Variants in LRRC8D observed in about 807,000 individuals in gnomAD.
LRRC8D encodes leucine rich repeat containing 8 VRAC subunit D.
LRRC8D carries 20 observed loss-of-function variants against 55.8 expected under a neutral mutation model. The ratio of observed to expected loss-of-function variants is 0.36; its 90% confidence interval spans 0.25 to 0.52. The LOEUF (loss-of-function observed/expected upper bound fraction) is 0.52. Among genes scored for constraint, LRRC8D ranks in the 20% least tolerant of loss-of-function variants. LRRC8D has a pLI of 0.93. For missense variants in LRRC8D, 651 were observed against 1,030.8 expected (o/e 0.63, Z 5.05); for synonymous variants, 352 against 377.0 (o/e 0.93, Z 0.77).
intron 2 of LRRC8D, among the ~76,000 whole-genome samples, chr1:89,866,390 A>G (rs1476628013): frequency 6.6e-6 from 1 of 152,234 alleles, no homozygotes; most frequent in East Asian, 1.9e-4. Context: ...GTGTGCATTT[A>G]TATCAGTTTC....
intron 2 of LRRC8D, among the ~76,000 whole-genome samples, chr1:89,912,311 A>G (rs1169549082): frequency 6.6e-6 from 1 of 152,072 alleles, no homozygotes; most frequent in Non-Finnish European, 1.5e-5. Flanking sequence ...GGGGTTCCTT[A>G]CTGTCCCTTT....
chr1:89,923,109 C>T (rs908891496), intron 2 of LRRC8D, among the ~76,000 whole-genome samples: 10 of 152,098 alleles, frequency 6.6e-5, no homozygotes, highest in African/African-American at 2.4e-4. Flanking sequence ...AATAACTTTC[C>T]CTTTTCAGTT....
At chr1:89,885,230 C>T in intron 2 of LRRC8D, among the ~76,000 whole-genome samples, 1 of 152,294 alleles carries the variant, frequency 6.6e-6, no homozygotes, top group East Asian at 1.9e-4. Flanking sequence ...TTGGCTTCAT[C>T]CAGGGATCTT....
chr1:89,893,383 T>C (rs893926723), intron 2 of LRRC8D, among the ~76,000 whole-genome samples: 2 of 152,212 alleles, frequency 1.3e-5, no homozygotes, highest in Admixed American at 6.5e-5. Context: ...ATATTCGTTA[T>C]CACTTTTTTC....
chr1:89,859,136 CTTA>C (rs1189732765), intron 2 of LRRC8D, among the ~76,000 whole-genome samples: 1 of 151,984 alleles, frequency 6.6e-6, no homozygotes, highest in Admixed American at 6.6e-5. Context: ...TTCTGGGATG[CTTA>C]TTAAGATAAG....
chr1:89,826,892 C>T (rs1353953884), intron 1 of LRRC8D, among the ~76,000 whole-genome samples: 4 of 152,140 alleles, frequency 2.6e-5, no homozygotes, highest in East Asian at 1.9e-4. Flanking sequence ...AGGTGAGTTT[C>T]TTGTGGGCAA....
Position 89,934,990 on chromosome 1 carries a change from A to C in LRRC8D, c.1922A>C (p.Glu641Ala). 6.2e-7 allele frequency: 1 copy of C among 1,614,166 alleles called. No individual in the cohort carries two copies. The highest frequency in any genetic ancestry group is 8.5e-7 in the Non-Finnish European group (1 of 1,180,038). Residue 641 changes from glutamate to alanine, a missense_variant, in exon 3 of 3, where the codon GAA (glutamate) becomes GCA (alanine). This residue lies in a region of LRRC8D where 338 missense variants were observed against 479.4 expected (regional missense o/e 0.71). Coordinates refer to ENST00000337338, the MANE Select transcript of LRRC8D (RefSeq NM_001134479.2). This position sits in a 1 kb window ranked among gnomAD's most constrained non-coding sequence, Gnocchi z 5.9. ...LKKMMNVAELELQNCELERIP... is the reference protein window; with the variant it reads ...LKKMMNVAELALQNCELERIP... ...AAAATGATGAATGTCGCTGAGCTGGAACTCCAGAACTGTGAGCTAGAGAGA... is the reference window on the plus strand; with the variant it reads ...AAAATGATGAATGTCGCTGAGCTGGCACTCCAGAACTGTGAGCTAGAGAGA...
intron 2 of LRRC8D, among the ~76,000 whole-genome samples, chr1:89,877,697 T>G (rs1662181234): frequency 6.6e-6 from 1 of 152,218 alleles, no homozygotes; most frequent in African/African-American, 2.4e-5. Context: ...TTTGTTACAG[T>G]TAACACGGTT....
intron 1 of LRRC8D, among the ~76,000 whole-genome samples, chr1:89,822,593 AAG>A (rs1660666918): frequency 6.6e-6 from 1 of 152,136 alleles, no homozygotes; most frequent in Non-Finnish European, 1.5e-5. Flanking sequence ...CGGACTTTGG[AAG>A]AGTCTGGACA....
intron 2 of LRRC8D, among the ~76,000 whole-genome samples, chr1:89,902,089 CA>C (rs1171239395): frequency 1.3e-5 from 2 of 152,206 alleles, no homozygotes; most frequent in Non-Finnish European, 2.9e-5. Flanking sequence ...GAGAGAGGCA[CA>C]AGGTGTGAGA....
chr1:89,843,480 C>G, intron 1 of LRRC8D, 158 bp from the exon 2 acceptor site: 1 of 450,128 alleles, frequency 2.2e-6, no homozygotes, highest in Non-Finnish European at 4.0e-6. Context: ...GCCGGTGCGG[C>G]GGGGTCGCCA....
At chr1:89,905,819 A>C (rs913021974) in intron 2 of LRRC8D, among the ~76,000 whole-genome samples, 1 of 152,178 alleles carries the variant, frequency 6.6e-6, no homozygotes, top group Admixed American at 6.5e-5. Flanking sequence ...GACGAAGAGG[A>C]GGAATTAGTG....
At chr1:89,836,901 T>A (rs1374838696) in intron 1 of LRRC8D, among the ~76,000 whole-genome samples, 2 of 152,374 alleles carry the variant, frequency 1.3e-5, no homozygotes, top group Non-Finnish European at 2.9e-5. Flanking sequence ...GCGTGAGTAA[T>A]TTCCAAGTTA....
chr1:89,822,033 C>T (rs1013765001), intron 1 of LRRC8D: 1 of 152,428 alleles, frequency 6.6e-6, no homozygotes, highest in South Asian at 2.1e-4. Flanking sequence ...GCCGGGAGGA[C>T]CAGCACCTCC....
chr1:89,905,930 T>C (rs1202769779), intron 2 of LRRC8D, among the ~76,000 whole-genome samples: 1 of 152,192 alleles, frequency 6.6e-6, no homozygotes, highest in African/African-American at 2.4e-5. Flanking sequence ...ACACCTGCAG[T>C]AGGGTCTTCA....
chr1:89,890,292 A>C (rs1054465896), intron 2 of LRRC8D, among the ~76,000 whole-genome samples: 3 of 152,230 alleles, frequency 2.0e-5, no homozygotes, highest in African/African-American at 7.2e-5. Context: ...TCCGTGTTAC[A>C]AAAGTGTTGA....
intron 2 of LRRC8D, among the ~76,000 whole-genome samples, chr1:89,899,123 G>C (rs906766037): frequency 1.1e-4 from 17 of 152,174 alleles, no homozygotes; most frequent in African/African-American, 4.1e-4. Context: ...CAACAATTCA[G>C]GTGTAGATTC....
At chr1:89,852,550 C>G (rs1254950883) in intron 2 of LRRC8D, among the ~76,000 whole-genome samples, 2 of 152,196 alleles carry the variant, frequency 1.3e-5, no homozygotes, top group African/African-American at 4.8e-5. Context: ...GGTGCCTAAC[C>G]TCTGAAGATA....
At chr1:89,923,757 A>G (rs1663482426) in intron 2 of LRRC8D, among the ~76,000 whole-genome samples, 1 of 152,246 alleles carries the variant, frequency 6.6e-6, no homozygotes, top group Non-Finnish European at 1.5e-5. Context: ...GGAACAGGAC[A>G]GAGTCCACAA....
Sources: allele counts gnomAD v4.1 joint callset (sites outside exome capture counted in the v4.1 genomes callset), GRCh38; gene constraint gnomAD v4.1.1; regional missense constraint gnomAD v4.1.1; non-coding constraint Gnocchi (gnomAD v3.1); transcripts MANE v1.5; gene names NCBI Gene and HGNC (gene_info 2026-07-23, HGNC 2026-07-21).